SCMH1: variants seen among roughly 807,000 people sequenced by gnomAD.
The protein encoded by SCMH1 is Scm polycomb group protein homolog 1.
A neutral mutation model predicts 70.8 loss-of-function variants in SCMH1; 37 were observed. That is an observed-to-expected ratio of 0.52 (90% confidence interval 0.40 to 0.69). The LOEUF is 0.69. SCMH1 is among the 30% of genes least tolerant of loss of function. The probability of loss-of-function intolerance (pLI) is 0.00; values close to 1 mark genes in which losing one functional copy is unlikely to be tolerated. For missense variants in SCMH1, 607 were observed against 827.3 expected (o/e 0.73, Z 3.27); for synonymous variants, 292 against 307.4 (o/e 0.95, Z 0.52).
At chr1:41,042,257 T>C (rs910515698) in intron 12 of SCMH1, among the ~76,000 whole-genome samples, 2 of 147,298 alleles carry the variant, frequency 1.4e-5, no homozygotes, top group African/African-American at 5.1e-5. Context: ...AGAAGGGGCT[T>C]TTTTTTTTTG....
At chr1:41,146,218 T>TAAAA (rs776753680) in intron 5 of SCMH1, among the ~76,000 whole-genome samples, 2 of 136,106 alleles carry the variant, frequency 1.5e-5, no homozygotes, top group African/African-American at 5.4e-5. Flanking sequence ...GTTTAAAAGG[T>TAAAA]AAAAAAAAAA....
intron 8 of SCMH1, among the ~76,000 whole-genome samples, chr1:41,102,098 T>C (rs531148297): frequency 6.6e-6 from 1 of 152,310 alleles, no homozygotes; most frequent in Non-Finnish European, 1.5e-5. Context: ...TTCTCGTCTC[T>C]ATAGCAACAA....
intron 1 of SCMH1, among the ~76,000 whole-genome samples, chr1:41,209,469 A>G (rs1656463960): frequency 6.6e-6 from 1 of 152,252 alleles, no homozygotes; most frequent in Non-Finnish European, 1.5e-5. Flanking sequence ...AACCATCAAT[A>G]AAATACTGGC....
chr1:41,117,778 G>A (rs1210438689), intron 6 of SCMH1, among the ~76,000 whole-genome samples: 1 of 151,992 alleles, frequency 6.6e-6, no homozygotes, highest in Non-Finnish European at 1.5e-5. Flanking sequence ...CTCTCTCTCT[G>A]CCTCGGCTGC....
At chr1:41,181,000 G>A (rs10157505) in intron 2 of SCMH1, among the ~76,000 whole-genome samples, 54,175 of 151,920 alleles carry the variant, frequency 0.36, 11,024 homozygotes, top group Admixed American at 0.51. Flanking sequence ...CAAAACAGAG[G>A]TATAGACCAA....
intron 10 of SCMH1, among the ~76,000 whole-genome samples, chr1:41,051,807 G>A (rs911518634): frequency 3.3e-5 from 5 of 151,994 alleles, no homozygotes; most frequent in Non-Finnish European, 5.9e-5. Flanking sequence ...GTTACAGTAC[G>A]CTAAGGTTAA....
At chr1:41,161,907 T>C (rs1646065880) in intron 2 of SCMH1, among the ~76,000 whole-genome samples, 1 of 152,168 alleles carries the variant, frequency 6.6e-6, no homozygotes. Flanking sequence ...AGAATGTAAC[T>C]GTATTTGTGA....
chr1:41,054,664 C>T (rs963583773), intron 10 of SCMH1, among the ~76,000 whole-genome samples: 25 of 152,110 alleles, frequency 1.6e-4, no homozygotes, highest in African/African-American at 5.8e-4. Context: ...GAGTACTGTC[C>T]TACAGCAGCT....
At chr1:41,200,405 A>G (rs962346769) in intron 1 of SCMH1, among the ~76,000 whole-genome samples, 3 of 151,948 alleles carry the variant, frequency 2.0e-5, no homozygotes, top group Admixed American at 6.6e-5. Context: ...GCGTGAACCC[A>G]GGAGGCGGAG....
At position 41,147,121 on chromosome 1, in the gene SCMH1, C is replaced by T. The variant is rs543948703; in HGVS notation, c.178-4009G>A. Among the ~76,000 whole-genome samples, 23 of 152,216 alleles carry T rather than the reference C, an allele frequency of 1.5e-4. 1 individual carries two copies. Among genetic ancestry groups the T allele is most frequent in the Admixed American group, 7.9e-4 (12 of 15,278 alleles). Reference sequence around the variant, plus strand: ...TAAATAAATGTATAGTGATAGCTCACTAATCACTTTTATTTTGTATTTCCC... The same window carrying T: ...TAAATAAATGTATAGTGATAGCTCATTAATCACTTTTATTTTGTATTTCCC... On this transcript the variant is annotated intron_variant, in intron 5 of 14. Transcript: ENST00000337495.
chr1:41,231,301 T>C (rs1274071228), intron 1 of SCMH1, among the ~76,000 whole-genome samples: 1 of 152,242 alleles, frequency 6.6e-6, no homozygotes, highest in Non-Finnish European at 1.5e-5. Context: ...ATGAGTCAAC[T>C]AAATTAGGCA....
chr1:41,138,752 T>C (rs1037986302), intron 6 of SCMH1, among the ~76,000 whole-genome samples: 2 of 152,228 alleles, frequency 1.3e-5, no homozygotes, highest in African/African-American at 2.4e-5. Context: ...TTAACTCAAG[T>C]TGAGTTGCTG....
rs182607566 is a variant in SCMH1 at position 41,062,652 on chromosome 1, T to C, written c.1105+7943A>G. ...TACTCAGGAGGCTGAGGAAGGAGAATTGCTTGAACCCAGGAGACGGAGGTT... is the reference window on the plus strand; with the variant it reads ...TACTCAGGAGGCTGAGGAAGGAGAACTGCTTGAACCCAGGAGACGGAGGTT... On this transcript the variant is annotated intron_variant, in intron 10 of 14. Transcript: ENST00000337495. Among the ~76,000 whole-genome samples, 54 of 151,352 alleles carry C rather than the reference T, an allele frequency of 3.6e-4. 1 individual carries two copies. Among genetic ancestry groups the C allele is most frequent in the Non-Finnish European group, 5.9e-5 (4 of 67,894 alleles).
rs551566718 is a variant in SCMH1, at chr1:41,071,765, C to T, written c.979-1044G>A. On this transcript the variant is annotated intron_variant, in intron 9 of 14. Coordinates refer to ENST00000337495, the Ensembl canonical transcript of SCMH1. ...GCGACCTCCACCTCCCAGGCTCAAG[C>T]GATCCTCCCACCTCAGCCTCCTGAG... is the stretch of plus-strand genomic sequence containing the variant. Among the ~76,000 whole-genome samples, 23 of 152,134 alleles carry T rather than the reference C, an allele frequency of 1.5e-4. No individual in the cohort carries two copies. The South Asian group carries it at 4.6e-3, about 30-fold the overall frequency.
At chr1:41,151,547 T>C (rs1645078617) in intron 5 of SCMH1, 67 bp downstream of exon 5, 1 of 1,305,406 alleles carries the variant, frequency 7.7e-7, no homozygotes, top group African/African-American at 1.5e-5. Flanking sequence ...CCTCCTGTTT[T>C]GATTGTCTAA....
At chr1:41,100,579 T>C (rs537712792) in intron 8 of SCMH1, among the ~76,000 whole-genome samples, 102 of 151,292 alleles carry the variant, frequency 6.7e-4, no homozygotes, top group African/African-American at 2.4e-3. Flanking sequence ...TTTTTTTTTT[T>C]TTTTGAGACG....
intron 8 of SCMH1, among the ~76,000 whole-genome samples, chr1:41,077,024 G>A (rs1658487927): frequency 1.3e-5 from 2 of 152,148 alleles, no homozygotes; most frequent in Admixed American, 1.3e-4. Flanking sequence ...ATATAGGGCA[G>A]GTAGAAGATA....
intron 4 of SCMH1, among the ~76,000 whole-genome samples, chr1:41,154,041 A>G (rs143211803): frequency 6.6e-6 from 1 of 152,236 alleles, no homozygotes; most frequent in Non-Finnish European, 1.5e-5. Flanking sequence ...CACAGACAGT[A>G]TGTGTGCCTA....
intron 8 of SCMH1, among the ~76,000 whole-genome samples, chr1:41,082,174 G>A (rs929235530): frequency 6.7e-6 from 1 of 150,188 alleles, no homozygotes; most frequent in African/African-American, 2.4e-5. Flanking sequence ...AAAGAGTGAA[G>A]ATATATATGG....
Sources: allele counts gnomAD v4.1 joint callset (sites outside exome capture counted in the v4.1 genomes callset), GRCh38; gene constraint gnomAD v4.1.1; transcripts MANE v1.5; gene names NCBI Gene and HGNC (gene_info 2026-07-23, HGNC 2026-07-21).